EDAR: variants seen among roughly 807,000 people sequenced by gnomAD.
EDAR encodes tumor necrosis factor receptor superfamily member EDAR.
A neutral mutation model predicts 51.3 loss-of-function variants in EDAR; 38 were observed. The ratio of observed to expected loss-of-function variants is 0.74; its 90% CI spans 0.57 to 0.97. The LOEUF (loss-of-function observed/expected upper bound fraction) is 0.97. EDAR is among the 50% of genes least tolerant of loss of function. EDAR has a pLI of 0.00. For synonymous variants in EDAR, 227 were observed against 242.1 expected (o/e 0.94, Z 0.58); for missense variants, 528 against 595.0 (o/e 0.89, Z 1.17).
chr2:108,936,620 C>T (rs1697474354), intron 1 of EDAR, among the ~76,000 whole-genome samples: 1 of 152,176 alleles, frequency 6.6e-6, no homozygotes, highest in African/African-American at 2.4e-5. Context: ...CCCTGAAGCC[C>T]CCACTTCCCA....
At position 108,907,968 on chromosome 2, in the gene EDAR, G is replaced by C; in HGVS notation, c.855C>G (p.Asp285Glu). The change falls in exon 10 of 12, where the codon GAC becomes GAG. Residue 285 changes from aspartate (D) to glutamate (E), a missense_variant. Coordinates refer to ENST00000258443, the MANE Select transcript of EDAR (RefSeq NM_022336.4). ...TGTCAGGGGCGGGCTCCTCATCACT[G>C]TCGACGCTCCGGCTCAGCAGCTGCT... ...ENEQLLSRSV[D>E]SDEEPAPDKQ... 6.2e-7 allele frequency: 1 copy of C among 1,613,220 alleles called. No individual in the cohort carries two copies. Among genetic ancestry groups the C allele is most frequent in the South Asian group, 1.1e-5 (1 of 91,050 alleles).
chr2:108,907,202 C>T (rs1412948463), intron 10 of EDAR, among the ~76,000 whole-genome samples: 3 of 152,128 alleles, frequency 2.0e-5, no homozygotes, highest in South Asian at 4.1e-4. Context: ...AGAAGAAAAA[C>T]GTTGTGTGTG....
Position 108,973,776 on chromosome 2 carries a change from C to T in EDAR, c.-19+15184G>A, listed in dbSNP as rs75029088. Among the ~76,000 whole-genome samples, 1,142 of 152,262 alleles carry T rather than the reference C, an allele frequency of 7.5e-3. 16 individuals are homozygous for T. The highest frequency in any genetic ancestry group is 0.025 in the African/African-American group (1,043 of 41,550). On this transcript the variant is annotated intron_variant, in intron 1 of 11. Coordinates refer to ENST00000258443, the MANE Select transcript of EDAR (RefSeq NM_022336.4). ...AAGCTTGGCTTCCATCTCACAATAA[C>T]GAAAACATCATCAGAGTTCTCAAAG...
At chr2:108,978,746 T>G (rs1698373422) in intron 1 of EDAR, among the ~76,000 whole-genome samples, 1 of 152,088 alleles carries the variant, frequency 6.6e-6, no homozygotes, top group Non-Finnish European at 1.5e-5. Context: ...CGTGCAGGTT[T>G]TGGTATGGAG....
chr2:108,972,791 G>A (rs1698259786), intron 1 of EDAR, among the ~76,000 whole-genome samples: 1 of 152,114 alleles, frequency 6.6e-6, no homozygotes, highest in Non-Finnish European at 1.5e-5. Flanking sequence ...GAGGACCGGG[G>A]GGCCTCCGGC....
In EDAR at chr2:108,937,868, C is replaced by T. The variant is rs182800167; in HGVS notation, c.-18-6836G>A. 5.3e-5 allele frequency among the ~76,000 whole-genome samples: 8 copies of T among 152,278 alleles called. No homozygotes were observed. In the East Asian group the frequency reaches 1.2e-3, roughly 22 times the overall value. ...GGCAAACCAAATGGCCCTGAGCCCTCGGGTGGGGCCTTCCCAAAAGACGTG... is the reference window on the plus strand; with the variant it reads ...GGCAAACCAAATGGCCCTGAGCCCTTGGGTGGGGCCTTCCCAAAAGACGTG... On this transcript the variant is annotated intron_variant, in intron 1 of 11. Transcript: ENST00000258443.
chr2:108,961,393 G>T (rs1698037537), intron 1 of EDAR, among the ~76,000 whole-genome samples: 1 of 152,148 alleles, frequency 6.6e-6, no homozygotes, highest in South Asian at 2.1e-4. Flanking sequence ...CCCACCACCA[G>T]TGGAGGCAGG....
chr2:108,963,061 G>T (rs1423154602), intron 1 of EDAR, among the ~76,000 whole-genome samples: 1 of 152,122 alleles, frequency 6.6e-6, no homozygotes, highest in East Asian at 1.9e-4. Context: ...GTCACTGAAG[G>T]TCACTCACTG....
intron 9 of EDAR, among the ~76,000 whole-genome samples, chr2:108,908,976 C>G (rs750158511): frequency 2.0e-5 from 3 of 151,980 alleles, no homozygotes; most frequent in East Asian, 1.9e-4. Context: ...TGTCCCCACT[C>G]GAGAGAAGGT....
chr2:108,948,780 G>A (rs1697765721), intron 1 of EDAR, among the ~76,000 whole-genome samples: 1 of 152,174 alleles, frequency 6.6e-6, no homozygotes, highest in Non-Finnish European at 1.5e-5. Context: ...TACAGTTTGA[G>A]ATGAGATTTG....
chr2:108,982,708 C>G (rs956405071), intron 1 of EDAR, among the ~76,000 whole-genome samples: 1 of 152,346 alleles, frequency 6.6e-6, no homozygotes, highest in African/African-American at 2.4e-5. Flanking sequence ...GGCAGTAATT[C>G]TAGAGAAAGT....
intron 1 of EDAR, among the ~76,000 whole-genome samples, chr2:108,987,677 T>G (rs999737145): frequency 6.6e-6 from 1 of 152,218 alleles, no homozygotes; most frequent in African/African-American, 2.4e-5. Flanking sequence ...CAGCACAGCC[T>G]GGCCCACTTA....
chr2:108,985,021 C>T (rs1698474416), intron 1 of EDAR, among the ~76,000 whole-genome samples: 1 of 152,188 alleles, frequency 6.6e-6, no homozygotes, highest in Non-Finnish European at 1.5e-5. Context: ...TGCATGCCCT[C>T]TCATTTTTTG....
At chr2:108,905,882 G>T (rs1049261124) in intron 11 of EDAR, among the ~76,000 whole-genome samples, 7 of 146,240 alleles carry the variant, frequency 4.8e-5, no homozygotes, top group African/African-American at 2.0e-4. Context: ...GGCTCCCAGG[G>T]CTATCAGACA....
intron 11 of EDAR, among the ~76,000 whole-genome samples, chr2:108,902,534 T>C (rs1172340915): frequency 6.6e-6 from 1 of 152,170 alleles, no homozygotes; most frequent in East Asian, 1.9e-4. Context: ...TAACTTATTC[T>C]ATGAGGGTAG....
At chr2:108,978,664 G>A (rs1289531708) in intron 1 of EDAR, among the ~76,000 whole-genome samples, 1 of 152,150 alleles carries the variant, frequency 6.6e-6, no homozygotes, top group African/African-American at 2.4e-5. Context: ...TAGAACCTGA[G>A]GTGCAGTGAA....
At chr2:108,965,478 A>AAG (rs1553454300) in intron 1 of EDAR, among the ~76,000 whole-genome samples, 1,684 of 151,590 alleles carry the variant, frequency 0.011, 27 homozygotes, top group African/African-American at 0.039. Context: ...AAAAAAAAAA[A>AAG]AGATAATAAA....
At chr2:108,984,170 T>C (rs545258371) in intron 1 of EDAR, among the ~76,000 whole-genome samples, 3 of 152,290 alleles carry the variant, frequency 2.0e-5, no homozygotes, top group Admixed American at 2.0e-4. Context: ...TTGGTGAAAA[T>C]GGATCATTCC....
At chr2:108,974,060 T>C (rs2104450087) in intron 1 of EDAR, among the ~76,000 whole-genome samples, 1 of 152,276 alleles carries the variant, frequency 6.6e-6, no homozygotes, top group South Asian at 2.1e-4. Flanking sequence ...TCAGGCGCGG[T>C]GGCTCACGCC....
Sources: allele counts gnomAD v4.1 joint callset (sites outside exome capture counted in the v4.1 genomes callset), GRCh38; gene constraint gnomAD v4.1.1; transcripts MANE v1.5; gene names NCBI Gene and HGNC (gene_info 2026-07-23, HGNC 2026-07-21).